The following KIRREL3 variants were observed in gnomAD, a reference collection of about 807,000 sequenced individuals.
KIRREL3 encodes kirre like nephrin family adhesion molecule 3.
KIRREL3 carries 36 observed loss-of-function variants against 89.7 expected under a neutral mutation model. That is an observed-to-expected ratio of 0.40 (90% CI 0.31 to 0.53). KIRREL3 has a LOEUF of 0.53. KIRREL3 is among the 20% of genes least tolerant of loss of function. The pLI is 0.49. For synonymous variants in KIRREL3, 445 were observed against 441.4 expected (o/e 1.01, Z -0.10); for missense variants, 864 against 1,056.6 (o/e 0.82, Z 2.53).
In KIRREL3 at chr11:126,744,939, T is replaced by G. The variant is rs1949095840; in HGVS notation, c.56-182027A>C. Among the ~76,000 whole-genome samples the G allele has an allele frequency of 6.6e-6, 1 of 151,722 alleles. No individual in the cohort carries two copies. Among genetic ancestry groups the G allele is most frequent in the East Asian group, 1.9e-4 (1 of 5,144 alleles). On this transcript the variant is annotated intron_variant, in intron 1 of 16. Transcript: ENST00000525144. The surrounding 1 kb of genome is among the most constrained non-coding windows in gnomAD (Gnocchi z 4.7). ...TGGTTTACTGAGGAAAGAAGTTGAC[T>G]CACTTTCAGACACATTAGGTTGGAG...
rs553698215 is a variant in KIRREL3 at position 126,639,784 on chromosome 11, T to A, written c.56-76872A>T. On this transcript the variant is annotated intron_variant, in intron 1 of 16. Coordinates refer to ENST00000525144, the MANE Select transcript of KIRREL3 (RefSeq NM_032531.4). This position sits in a 1 kb window ranked among gnomAD's most constrained non-coding sequence, Gnocchi z 4.3. ...TATTTTTGAGCCACTAGGATTCTTG[T>A]GAAATAGACACAAGAAGGAGCTAAA... is the stretch of plus-strand genomic sequence containing the variant. 6.6e-6 allele frequency among the ~76,000 whole-genome samples: 1 copy of A among 152,314 alleles called. No individual in the cohort carries two copies. Among genetic ancestry groups the A allele is most frequent in the South Asian group, 2.1e-4 (1 of 4,828 alleles).
At chr11:126,450,660 A>AGT (rs201126676) in intron 7 of KIRREL3, among the ~76,000 whole-genome samples, 35 of 97,094 alleles carry the variant, frequency 3.6e-4, no homozygotes, top group Non-Finnish European at 5.0e-4. Flanking sequence ...TGTGTGCATG[A>AGT]GTGTGTGTGT....
chr11:126,810,363 T>C (rs936079905), intron 1 of KIRREL3, among the ~76,000 whole-genome samples: 5 of 152,210 alleles, frequency 3.3e-5, no homozygotes, highest in Non-Finnish European at 7.3e-5. Context: ...AGCTTCACAC[T>C]GCCCTGATTA....
At chr11:126,450,919 G>A (rs1956068363) in intron 7 of KIRREL3, among the ~76,000 whole-genome samples, 1 of 150,480 alleles carries the variant, frequency 6.6e-6, no homozygotes, top group South Asian at 2.1e-4. Flanking sequence ...GTGTGTCCAC[G>A]TGCATGTGTG....
chr11:126,608,211 A>T lies in KIRREL3; in HGVS notation c.56-45299T>A, dbSNP rs894024388. Among the ~76,000 whole-genome samples, 4 of 152,190 alleles carry T rather than the reference A, an allele frequency of 2.6e-5. No homozygotes were observed. Among genetic ancestry groups the T allele is most frequent in the Non-Finnish European group, 5.9e-5 (4 of 68,022 alleles). On this transcript the variant is annotated intron_variant, in intron 1 of 16. Transcript: ENST00000525144. The surrounding 1 kb of genome is among the most constrained non-coding windows in gnomAD (Gnocchi z 4.9). The stretch of plus-strand genomic sequence containing the variant: ...GCCAGGACAGGTGGGAGAGAAAAGC[A>T]GGAGGCAGCTGAAGGGGGCGGTCTC...
upstream of KIRREL3, chr11:127,002,972 C>G (rs1267172777): frequency 6.9e-6 from 1 of 144,692 alleles, no homozygotes; most frequent in Non-Finnish European, 1.5e-5. Context: ...TTGTTTCGCT[C>G]TCCCATTGGC....
chr11:126,425,045 G>C, intron 16 of KIRREL3, 22 bp from the exon 17 acceptor site: 4 of 1,494,962 alleles, frequency 2.7e-6, no homozygotes, highest in Non-Finnish European at 3.6e-6. Flanking sequence ...AGAGGAAGAG[G>C]AGCGTCACCT....
At position 126,703,006 on chromosome 11, in the gene KIRREL3, T is replaced by G. The variant is rs796834218; in HGVS notation, c.56-140094A>C. Among the ~76,000 whole-genome samples, 3 of 152,176 alleles carry G rather than the reference T, an allele frequency of 2.0e-5. No homozygotes were observed. Among genetic ancestry groups the G allele is most frequent in the African/African-American group, 4.8e-5 (2 of 41,492 alleles). ...ATTGTTGCTTTTTCCTCTTGAGGAG[T>G]CTTTTTATTTTCAGAGTGGCAGGGA... On this transcript the variant is annotated intron_variant, in intron 1 of 16. Coordinates refer to ENST00000525144, the MANE Select transcript of KIRREL3 (RefSeq NM_032531.4). This position sits in a 1 kb window ranked among gnomAD's most constrained non-coding sequence, Gnocchi z 4.6.
chr11:126,769,338 T>C lies in KIRREL3; in HGVS notation c.56-206426A>G, dbSNP rs1216932080. On this transcript the variant is annotated intron_variant, in intron 1 of 16. Coordinates refer to ENST00000525144, the MANE Select transcript of KIRREL3 (RefSeq NM_032531.4). This position sits in a 1 kb window ranked among gnomAD's most constrained non-coding sequence, Gnocchi z 4.3. Reference sequence around the variant, plus strand: ...TCAGGGTAGGCTCTGTGGAAGCAAATCTTGAAGGATGGATAGAATTTTGGT... The same window carrying C: ...TCAGGGTAGGCTCTGTGGAAGCAAACCTTGAAGGATGGATAGAATTTTGGT... Among the ~76,000 whole-genome samples, 1 of 152,104 alleles carries C rather than the reference T, an allele frequency of 6.6e-6. No individual in the cohort carries two copies. Among genetic ancestry groups the C allele is most frequent in the Non-Finnish European group, 1.5e-5 (1 of 68,032 alleles).
rs538873059 is a variant in KIRREL3 at position 126,475,176 on chromosome 11, C to T, written c.434-1710G>A. Among the ~76,000 whole-genome samples the T allele has an allele frequency of 9.8e-5, 15 of 152,338 alleles. No homozygotes were observed. The highest frequency in any genetic ancestry group is 3.4e-3 in the Middle Eastern group (1 of 294). The stretch of plus-strand genomic sequence containing the variant: ...TGCCTGGTGGCCAGAGAAGCCCGCC[C>T]TTCTATGCAGGCTCTGTGCTCGGGG... On this transcript the variant is annotated intron_variant, in intron 4 of 16. Transcript: ENST00000525144. The surrounding 1 kb of genome is among the most constrained non-coding windows in gnomAD (Gnocchi z 7.5).
At position 126,656,291 on chromosome 11, in the gene KIRREL3, T is replaced by A; in HGVS notation, c.56-93379A>T. The A allele has an allele frequency of 2.9e-6, 1 of 340,846 alleles. No homozygotes were observed. Among genetic ancestry groups the A allele is most frequent in the Non-Finnish European group, 6.0e-6 (1 of 166,672 alleles). 21.1% of individuals were successfully genotyped at this position (340,846 alleles called of 1,614,324 possible). A position where few individuals can be genotyped will look rare whatever the true frequency, so the allele number is the denominator to read the frequency against. On this transcript the variant is annotated intron_variant, in intron 1 of 16. Coordinates refer to ENST00000525144, the MANE Select transcript of KIRREL3 (RefSeq NM_032531.4). This position sits in a 1 kb window ranked among gnomAD's most constrained non-coding sequence, Gnocchi z 4.0. Reference sequence around the variant, plus strand: ...GTTTCTTAACCATAACCTCCATGATTCAGTTTCTTCATTTGCAAAATAATT... The same window carrying A: ...GTTTCTTAACCATAACCTCCATGATACAGTTTCTTCATTTGCAAAATAATT...
intron 1 of KIRREL3, among the ~76,000 whole-genome samples, chr11:126,974,126 T>C (rs922209131): frequency 6.6e-6 from 1 of 152,120 alleles, no homozygotes; most frequent in African/African-American, 2.4e-5. Context: ...GCAAATGCCA[T>C]CTCCACAAGT....
rs1947428081 is a variant in KIRREL3, at chr11:126,704,253, T to C, written c.56-141341A>G. On this transcript the variant is annotated intron_variant, in intron 1 of 16. Coordinates refer to ENST00000525144, the MANE Select transcript of KIRREL3 (RefSeq NM_032531.4). This position sits in a 1 kb window ranked among gnomAD's most constrained non-coding sequence, Gnocchi z 4.2. ...TTTGCATCATATCTGTTCATGTGCATGCATGTGCACAGCTGTTCCCCTTAA... is the reference window on the plus strand; with the variant it reads ...TTTGCATCATATCTGTTCATGTGCACGCATGTGCACAGCTGTTCCCCTTAA... Among the ~76,000 whole-genome samples the C allele has an allele frequency of 6.6e-6, 1 of 152,206 alleles. No individual in the cohort carries two copies. Among genetic ancestry groups the C allele is most frequent in the African/African-American group, 2.4e-5 (1 of 41,448 alleles).
In KIRREL3 at chr11:126,903,850, C is replaced by T. The variant is rs993950151; in HGVS notation, c.55+96605G>A. The stretch of plus-strand genomic sequence containing the variant: ...ATATATTAGAAGTTCTATTGCTACC[C>T]CCTCTAGGGAGACTGGATTATTTGG... On this transcript the variant is annotated intron_variant, in intron 1 of 16. Transcript: ENST00000525144. The surrounding 1 kb of genome is among the most constrained non-coding windows in gnomAD (Gnocchi z 4.5). Among the ~76,000 whole-genome samples, 4 of 152,254 alleles carry T rather than the reference C, an allele frequency of 2.6e-5. No homozygotes were observed. The highest frequency in any genetic ancestry group is 7.2e-5 in the African/African-American group (3 of 41,552).
chr11:126,835,856 G>A (rs946236863), intron 1 of KIRREL3, among the ~76,000 whole-genome samples: 18 of 152,170 alleles, frequency 1.2e-4, no homozygotes, highest in Non-Finnish European at 1.9e-4. Context: ...TGGCTCTCGA[G>A]GCACCAGTGC....
chr11:126,693,087 C>T (rs1434379091), intron 1 of KIRREL3, among the ~76,000 whole-genome samples: 3 of 152,212 alleles, frequency 2.0e-5, no homozygotes, highest in Non-Finnish European at 2.9e-5. Context: ...AGGTGACCCT[C>T]CAGGTGACTG....
In KIRREL3 at chr11:126,575,898, C is replaced by T. The variant is rs1382205209; in HGVS notation, c.56-12986G>A. On this transcript the variant is annotated intron_variant, in intron 1 of 16. Coordinates refer to ENST00000525144, the MANE Select transcript of KIRREL3 (RefSeq NM_032531.4). This position sits in a 1 kb window ranked among gnomAD's most constrained non-coding sequence, Gnocchi z 7.0. ...ATCCCCTCCTCTGGACACCACCCCC[C>T]GCCAACTGCCTTATTCATACCTCTT... 1.3e-5 allele frequency among the ~76,000 whole-genome samples: 2 copies of T among 152,222 alleles called. No individual in the cohort carries two copies. The highest frequency in any genetic ancestry group is 2.4e-5 in the African/African-American group (1 of 41,466).
At chr11:126,534,381 A>G (rs1245085864) in intron 2 of KIRREL3, among the ~76,000 whole-genome samples, 4 of 152,240 alleles carry the variant, frequency 2.6e-5, no homozygotes, top group Admixed American at 1.3e-4. Flanking sequence ...CTGCCTGGGC[A>G]TGGCAGAGGA....
intron 1 of KIRREL3, among the ~76,000 whole-genome samples, chr11:126,786,442 T>C (rs924350645): frequency 6.6e-6 from 1 of 152,220 alleles, no homozygotes; most frequent in African/African-American, 2.4e-5. Flanking sequence ...TCCTGTTTCC[T>C]AAAGCAATTA....
Sources: allele counts gnomAD v4.1 joint callset (sites outside exome capture counted in the v4.1 genomes callset), GRCh38; gene constraint gnomAD v4.1.1; non-coding constraint Gnocchi (gnomAD v3.1); transcripts MANE v1.5; gene names NCBI Gene and HGNC (gene_info 2026-07-23, HGNC 2026-07-21).